TTYH2: variants seen among roughly 807,000 people sequenced by gnomAD.
TTYH2 encodes tweety family member 2.
A neutral mutation model predicts 68.3 loss-of-function variants in TTYH2; 49 were observed. That is an observed-to-expected ratio of 0.72 (90% confidence interval 0.57 to 0.91). TTYH2 has a LOEUF of 0.91. TTYH2 is among the 40% of genes least tolerant of loss of function. The pLI, the probability that TTYH2 is intolerant of heterozygous loss-of-function variation, is 0.00. For synonymous variants in TTYH2, 272 were observed against 300.8 expected (o/e 0.90, Z 0.99); for missense variants, 631 against 700.4 (o/e 0.90, Z 1.12).
intron 2 of TTYH2, among the ~76,000 whole-genome samples, chr17:74,226,958 CTTCCTTTCCTTTCCTTT>C (rs1019450961): frequency 9.9e-5 from 15 of 152,070 alleles, no homozygotes; most frequent in East Asian, 3.9e-4. Flanking sequence ...TTTCTTTTCT[CTTCCTTTCCTTTCCTTT>C]TTCCTTTCCT....
At chr17:74,249,847 CCACTGTGGGGCTCCTGGGAGACGGAGCCT>C (rs33961893) in intron 8 of TTYH2, 60 bp from the exon 9 acceptor site, 1,108,152 of 1,113,498 alleles carry the variant, frequency 1, 552,043 homozygotes, top group Admixed American at 1. Flanking sequence ...GGCCCCTCAG[CCACTGTGGGGCTCCTGGGAGACGGAGCCT>C]CACTGTGGGG....
chr17:74,227,279 C>A (rs1200686847), intron 2 of TTYH2, among the ~76,000 whole-genome samples: 1 of 152,172 alleles, frequency 6.6e-6, no homozygotes, highest in African/African-American at 2.4e-5. Flanking sequence ...GATTTCTGAT[C>A]CCCAAAGATG....
chr17:74,237,654 T>A (rs2050458022), intron 4 of TTYH2, 140 bp downstream of exon 4: 1 of 734,066 alleles, frequency 1.4e-6, no homozygotes, highest in African/African-American at 1.8e-5. Flanking sequence ...TAAGACAGAG[T>A]CTTGCTCTGT....
intron 7 of TTYH2, 99 bp from the exon 8 acceptor site, chr17:74,249,245 C>A: frequency 1.3e-6 from 2 of 1,574,026 alleles, no homozygotes; most frequent in Non-Finnish European, 1.7e-6. Flanking sequence ...CCCTTGGGAG[C>A]TCAGGGACGG....
chr17:74,223,586 C>T (rs1160982865), intron 2 of TTYH2, among the ~76,000 whole-genome samples: 2 of 152,224 alleles, frequency 1.3e-5, no homozygotes, highest in African/African-American at 4.8e-5. Context: ...GCCCACCACA[C>T]TGCCTGGCCA....
intron 2 of TTYH2, among the ~76,000 whole-genome samples, chr17:74,224,451 G>A (rs1459912816): frequency 6.6e-6 from 1 of 152,132 alleles, no homozygotes; most frequent in East Asian, 1.9e-4. Context: ...CGACAAACTT[G>A]TTTTGGAAGA....
chr17:74,223,834 C>T (rs1301142486), intron 2 of TTYH2, among the ~76,000 whole-genome samples: 1 of 152,170 alleles, frequency 6.6e-6, no homozygotes, highest in Non-Finnish European at 1.5e-5. Flanking sequence ...CCAGGCAGCT[C>T]ACCTTGCCAC....
intron 4 of TTYH2, 116 bp downstream of exon 4, chr17:74,237,630 TTG>T: frequency 1.0e-6 from 1 of 955,246 alleles, no homozygotes; most frequent in African/African-American, 1.7e-5. Context: ...TATTTTTTTT[TTG>T]TTTTGTTTTT....
At chr17:74,248,355 G>C in intron 6 of TTYH2, 1 of 986,326 alleles carries the variant, frequency 1.0e-6, no homozygotes. Flanking sequence ...TGCCGCATGG[G>C]CCTTAGCAAT....
intron 2 of TTYH2, among the ~76,000 whole-genome samples, chr17:74,224,347 A>T (rs934364284): frequency 3.9e-5 from 6 of 152,250 alleles, no homozygotes; most frequent in African/African-American, 1.4e-4. Context: ...TGATCGCTCC[A>T]TCGCACTCTA....
intron 12 of TTYH2, 132 bp from the exon 13 acceptor site, chr17:74,253,623 C>A: frequency 3.6e-6 from 3 of 844,846 alleles, no homozygotes; most frequent in East Asian, 5.0e-5. Flanking sequence ...CACTGCACCC[C>A]CTCCACTCTA....
In TTYH2 at chr17:74,215,575, T is replaced by A; in HGVS notation, c.129+1859T>A. 6.7e-7 allele frequency: 1 copy of A among 1,500,086 alleles called. No homozygotes were observed. The highest frequency in any genetic ancestry group is 8.9e-7 in the Non-Finnish European group (1 of 1,117,360). The allele number at this position is 1,500,086 out of a possible 1,614,324, so 92.9% of individuals were successfully genotyped here. On this transcript the variant is annotated intron_variant, in intron 1 of 13. Transcript: ENST00000269346. The surrounding 1 kb of genome is among the most constrained non-coding windows in gnomAD (Gnocchi z 4.3). ...CCATCGGCCACTGCTCCTGGGCAGCTGACACCAGCCCTGCCCACTGGCTCC... is the reference window on the plus strand; with the variant it reads ...CCATCGGCCACTGCTCCTGGGCAGCAGACACCAGCCCTGCCCACTGGCTCC...
chr17:74,237,186 G>A lies in TTYH2; in HGVS notation c.415-108G>A, dbSNP rs981426653. 45 of 1,075,366 alleles carry A rather than the reference G, an allele frequency of 4.2e-5. No homozygotes were observed. The Admixed American group carries it at 6.1e-4, about 14-fold the overall frequency. The allele number at this position is 1,075,366 out of a possible 1,614,324, so 66.6% of individuals were successfully genotyped here. On this transcript the variant is annotated intron_variant, in intron 3 of 13. Coordinates refer to ENST00000269346, the MANE Select transcript of TTYH2 (RefSeq NM_032646.6). The stretch of plus-strand genomic sequence containing the variant: ...AAGTGCTGGGATGACAGGCATGAGC[G>A]TAATTATCGCACCTGGCCAGGCCAC...
At chr17:74,236,303 G>A (rs1436462780) in intron 3 of TTYH2, among the ~76,000 whole-genome samples, 1 of 152,208 alleles carries the variant, frequency 6.6e-6, no homozygotes, top group Admixed American at 6.5e-5. Context: ...TTCAGGACCC[G>A]GTGTGCTGCG....
intron 6 of TTYH2, chr17:74,248,456 G>A: frequency 1.0e-6 from 1 of 987,376 alleles, no homozygotes; most frequent in Non-Finnish European, 1.2e-6. Flanking sequence ...CCCATGTCTT[G>A]GCAGGTGAGC....
intron 6 of TTYH2, among the ~76,000 whole-genome samples, chr17:74,247,139 G>A (rs955185505): frequency 4.2e-5 from 6 of 144,374 alleles, no homozygotes; most frequent in South Asian, 2.2e-4. Context: ...CCAAGATCAC[G>A]CCACTGCACT....
Position 74,260,181 on chromosome 17 carries a change from G to C in TTYH2, c.1577G>C (p.Arg526Thr), listed in dbSNP as rs374840519. ...CTGTCTGTGGCGGATGAGCACCTGA[G>C]GCACTACGGGAATCAGTTTCCAGCC... ...TYLSVADEHL[R>T]HYGNQFPA Residue 526 changes from arginine (R) to threonine (T), a missense_variant, in exon 14 of 14, where the codon AGG (arginine) becomes ACG (threonine). Coordinates refer to ENST00000269346, the MANE Select transcript of TTYH2 (RefSeq NM_032646.6). The C allele has an allele frequency of 6.2e-7, 1 of 1,613,852 alleles. No homozygotes were observed. The highest frequency in any genetic ancestry group is 1.3e-5 in the African/African-American group (1 of 74,900).
chr17:74,253,816 G>T lies in TTYH2; in HGVS notation c.1507G>T (p.Ala503Ser). ...RYENVPLIGR[A>S]SPPPTYSPSM... ...CGAGAACGTGCCACTAATCGGGAGA[G>T]CCTCCCCTCCGCCTACGGTAATTGG... Residue 503 changes from alanine (A) to serine (S), a missense_variant, in exon 13 of 14, where the codon GCC (alanine) becomes TCC (serine). Ala to Ser is a moderately conservative substitution (Grantham distance 99). Transcript: ENST00000269346. 6.2e-7 allele frequency: 1 copy of T among 1,614,242 alleles called. No homozygotes were observed. The highest frequency in any genetic ancestry group is 8.5e-7 in the Non-Finnish European group (1 of 1,180,046).
intron 3 of TTYH2, 133 bp from the exon 4 acceptor site, chr17:74,237,161 A>C: frequency 1.2e-6 from 1 of 863,370 alleles, no homozygotes; most frequent in Non-Finnish European, 1.8e-6. Flanking sequence ...CAGCCTCCCG[A>C]AGTGCTGGGA....
Sources: allele counts gnomAD v4.1 joint callset (sites outside exome capture counted in the v4.1 genomes callset), GRCh38; gene constraint gnomAD v4.1.1; non-coding constraint Gnocchi (gnomAD v3.1); transcripts MANE v1.5; gene names NCBI Gene and HGNC (gene_info 2026-07-23, HGNC 2026-07-21).